PLXDC2: variants seen among roughly 807,000 people sequenced by gnomAD.
PLXDC2 encodes plexin domain-containing protein 2.
A neutral mutation model predicts 68.9 loss-of-function variants in PLXDC2; 40 were observed. That is an observed-to-expected ratio of 0.58 (90% CI 0.45 to 0.76). The LOEUF is 0.76. Among genes scored for constraint, PLXDC2 ranks in the 30% least tolerant of loss-of-function variants. PLXDC2 has a pLI of 0.00. For missense variants in PLXDC2, 644 were observed against 661.9 expected (o/e 0.97, Z 0.30); for synonymous variants, 243 against 234.2 (o/e 1.04, Z -0.34).
At chr10:20,050,964 G>A (rs542947980) in intron 3 of PLXDC2, among the ~76,000 whole-genome samples, 1 of 152,098 alleles carries the variant, frequency 6.6e-6, no homozygotes, top group South Asian at 2.1e-4. Flanking sequence ...ATTCACAAAA[G>A]CAAAGACATG....
At chr10:20,229,684 C>A (rs952141369) in intron 12 of PLXDC2, among the ~76,000 whole-genome samples, 1 of 152,076 alleles carries the variant, frequency 6.6e-6, no homozygotes, top group Non-Finnish European at 1.5e-5. Context: ...TTGCTCCTCC[C>A]GTTAAGACTA....
At chr10:20,078,396 T>C (rs767192983) in intron 4 of PLXDC2, among the ~76,000 whole-genome samples, 2 of 152,072 alleles carry the variant, frequency 1.3e-5, no homozygotes, top group Non-Finnish European at 2.9e-5. Context: ...AAAAATAGAA[T>C]AAAATCTAAT....
intron 4 of PLXDC2, among the ~76,000 whole-genome samples, chr10:20,088,875 T>C (rs1833236384): frequency 6.6e-6 from 1 of 152,234 alleles, no homozygotes; most frequent in African/African-American, 2.4e-5. Flanking sequence ...AGGAATGCTC[T>C]ATGATTTAGG....
At chr10:20,270,373 G>A (rs567929222) in intron 13 of PLXDC2, among the ~76,000 whole-genome samples, 7 of 152,184 alleles carry the variant, frequency 4.6e-5, no homozygotes, top group South Asian at 4.2e-4. Flanking sequence ...CCTGTTTTAC[G>A]GTTAGGATGA....
intron 12 of PLXDC2, among the ~76,000 whole-genome samples, chr10:20,238,701 A>ATATATATGTATG (rs1354676222): frequency 7.0e-6 from 1 of 142,772 alleles, no homozygotes; most frequent in African/African-American, 2.6e-5. Flanking sequence ...ATACACACAT[A>ATATATATGTATG]TATATGTGTA....
At chr10:20,124,572 T>C (rs1833744695) in intron 4 of PLXDC2, among the ~76,000 whole-genome samples, 1 of 152,122 alleles carries the variant, frequency 6.6e-6, no homozygotes, top group African/African-American at 2.4e-5. Flanking sequence ...AAACAGGCTT[T>C]GTGTGAGCAA....
chr10:20,086,421 G>A (rs968808278), intron 4 of PLXDC2, among the ~76,000 whole-genome samples: 2 of 150,748 alleles, frequency 1.3e-5, no homozygotes, highest in African/African-American at 4.9e-5. Context: ...CAAACTCCTT[G>A]CTTCAAGCAA....
At chr10:20,022,130 A>G (rs1452802115) in intron 2 of PLXDC2, among the ~76,000 whole-genome samples, 1 of 152,208 alleles carries the variant, frequency 6.6e-6, no homozygotes, top group Admixed American at 6.5e-5. Context: ...TCCTCTATAT[A>G]TCTGTTTATC....
intron 13 of PLXDC2, among the ~76,000 whole-genome samples, chr10:20,254,052 C>T (rs956654827): frequency 1.3e-5 from 2 of 152,164 alleles, no homozygotes; most frequent in Non-Finnish European, 2.9e-5. Flanking sequence ...CACCCGGTTA[C>T]AGAGCCAAGA....
intron 2 of PLXDC2, among the ~76,000 whole-genome samples, chr10:20,034,677 G>T (rs930662569): frequency 6.6e-6 from 1 of 152,106 alleles, no homozygotes; most frequent in Non-Finnish European, 1.5e-5. Flanking sequence ...TTTTGTTTTT[G>T]TTGCCATGGT....
At chr10:20,046,099 G>A (rs1460416041) in intron 2 of PLXDC2, among the ~76,000 whole-genome samples, 1 of 152,028 alleles carries the variant, frequency 6.6e-6, no homozygotes, top group Non-Finnish European at 1.5e-5. Context: ...CTGAAAGCAG[G>A]CCCTGATATA....
At chr10:20,046,027 G>A (rs1835791899) in intron 2 of PLXDC2, among the ~76,000 whole-genome samples, 1 of 152,098 alleles carries the variant, frequency 6.6e-6, no homozygotes, top group African/African-American at 2.4e-5. Context: ...TCAAATAAAA[G>A]TAGAATGTAG....
At chr10:19,852,603 C>G (rs1837142742) in intron 1 of PLXDC2, among the ~76,000 whole-genome samples, 1 of 151,998 alleles carries the variant, frequency 6.6e-6, no homozygotes, top group South Asian at 2.1e-4. Flanking sequence ...GATACTGTTC[C>G]ACCTCATATT....
At chr10:20,269,686 C>A (rs956770929) in intron 13 of PLXDC2, among the ~76,000 whole-genome samples, 1 of 152,074 alleles carries the variant, frequency 6.6e-6, no homozygotes. Flanking sequence ...AGCTAACTAT[C>A]ATTCTACAAG....
At chr10:20,248,277 CTTATGTCTCAGAGCCTGTATG>C in intron 13 of PLXDC2, among the ~76,000 whole-genome samples, 1 of 152,110 alleles carries the variant, frequency 6.6e-6, no homozygotes, top group South Asian at 2.1e-4. Flanking sequence ...GTCTCATTGT[CTTATGTCTCAGAGCCTGTATG>C]TCCATAGGTG....
At chr10:19,859,253 A>AAACAAACG (rs1030954885) in intron 1 of PLXDC2, among the ~76,000 whole-genome samples, 3 of 152,096 alleles carry the variant, frequency 2.0e-5, no homozygotes, top group Non-Finnish European at 4.4e-5. Context: ...AAAAACAAAC[A>AAACAAACG]AACAAACAGA....
intron 1 of PLXDC2, among the ~76,000 whole-genome samples, chr10:19,901,808 G>A (rs374624363): frequency 1.4e-4 from 21 of 152,210 alleles, no homozygotes; most frequent in East Asian, 1.4e-3. Flanking sequence ...ATAGTTTCAC[G>A]TCTTAGATTT....
chr10:20,042,955 C>T (rs1004642911), intron 2 of PLXDC2, among the ~76,000 whole-genome samples: 1 of 152,196 alleles, frequency 6.6e-6, no homozygotes, highest in Non-Finnish European at 1.5e-5. Context: ...AGGCATATCA[C>T]AGTAGTGCTT....
rs1302669821 is a variant in PLXDC2, at chr10:20,284,027, C to T, written c.*4208C>T. ...TGATCACGTCCCTAGTGTCTATTGC[C>T]CACTTGAGAAAGGTTTTGCCAGGAT... On this transcript the variant is annotated 3_prime_UTR_variant, in exon 14 of 14. Transcript: ENST00000377252. The T allele has an allele frequency of 1.3e-5, 2 of 151,948 alleles. No individual in the cohort carries two copies. The highest frequency in any genetic ancestry group is 3.9e-4 in the East Asian group (2 of 5,178). The allele number at this position is 151,948 out of a possible 1,614,324, so 9.4% of individuals were successfully genotyped here.
Sources: gnomAD v4.1 joint callset for allele counts (sites outside exome capture counted in the v4.1 genomes callset) on GRCh38, gnomAD v4.1.1 for gene constraint, MANE v1.5 for transcripts, NCBI Gene and HGNC (gene_info 2026-07-23, HGNC 2026-07-21) for gene names.